Variants in SLC39A13 observed in about 807,000 individuals in gnomAD.
SLC39A13 encodes the protein zinc transporter ZIP13.
A neutral mutation model predicts 38.7 loss-of-function variants in SLC39A13; 18 were observed. The ratio of observed to expected loss-of-function variants is 0.47; its 90% CI spans 0.32 to 0.69. SLC39A13 has a LOEUF of 0.69. SLC39A13 is among the 30% of genes least tolerant of loss of function. The pLI is 0.03. For missense variants in SLC39A13, 395 were observed against 490.7 expected, an observed-to-expected ratio of 0.80 and a Z score of 1.84; for synonymous variants, 212 against 219.1, an observed-to-expected ratio of 0.97 and a Z score of 0.29.
At chr11:47,412,664 T>C (rs537246252) in intron 4 of SLC39A13, among the ~76,000 whole-genome samples, 197 bp downstream of exon 4, 5 of 119,410 alleles carry the variant, frequency 4.2e-5, no homozygotes, top group African/African-American at 1.4e-4. Context: ...GGTAGCCTGA[T>C]GGTGACAGCA....
At position 47,414,782 on chromosome 11, in the gene SLC39A13, C is replaced by T. The variant is rs141753455; in HGVS notation, c.792C>T (p.Gly264=). The T allele has an allele frequency of 4.8e-5, 77 of 1,608,666 alleles. No homozygotes were observed. In the African/African-American group the frequency reaches 8.5e-4, roughly 18 times the overall value. The change falls in exon 8 of 10, where the codon GGC becomes GGT. Residue 264 remains glycine, a synonymous_variant. Transcript: ENST00000362021. ...ACCTCTGGACCTCCCTTCAGGTGGGCGACTTTGCCATCCTGCTCCGGGCCG... is the reference window on the plus strand; with the variant it reads ...ACCTCTGGACCTCCCTTCAGGTGGGTGACTTTGCCATCCTGCTCCGGGCCG... ...ILLHEIPHEV[G]DFAILLRAGF...
In SLC39A13 at chr11:47,415,551, C is replaced by T. The variant is rs1401944438; in HGVS notation, c.*188C>T. ...GTGGCCAGAGGTGTGTGCGCGAGAC[C>T]GACACTGTGATCCCTGTGCTGGGTC... On this transcript the variant is annotated 3_prime_UTR_variant, in exon 10 of 10. Coordinates refer to ENST00000362021, the MANE Select transcript of SLC39A13 (RefSeq NM_001128225.3). 14 of 698,510 alleles carry T rather than the reference C, an allele frequency of 2.0e-5. No homozygotes were observed. The highest frequency in any genetic ancestry group is 4.1e-5 in the Admixed American group (2 of 48,572). The allele number at this position is 698,510 out of a possible 1,614,324, so 43.3% of individuals were successfully genotyped here. A position where few individuals can be genotyped will look rare whatever the true frequency, so the allele number is the denominator to read the frequency against.
chr11:47,412,751 T>A (rs1347637360), intron 4 of SLC39A13, among the ~76,000 whole-genome samples: 1 of 149,546 alleles, frequency 6.7e-6, no homozygotes, highest in East Asian at 2.0e-4. Context: ...AAAACAGGGG[T>A]TCCTATCTTT....
intron 1 of SLC39A13, chr11:47,409,775 C>T (rs2095988013): frequency 1.7e-5 from 6 of 344,718 alleles, no homozygotes; most frequent in East Asian, 6.6e-5. Context: ...TGGGCCGGGC[C>T]GTGCCGCCGG....
intron 6 of SLC39A13, chr11:47,413,955 ACCTCCT>A: frequency 2.9e-6 from 2 of 698,688 alleles, no homozygotes; most frequent in Non-Finnish European, 5.2e-6. Context: ...TTCTTCCTCT[ACCTCCT>A]CCCTCTGGCC....
rs1303123845 is a variant in SLC39A13 at position 47,410,176 on chromosome 11, G to A, written c.82G>A (p.Glu28Lys). The A allele has an allele frequency of 6.2e-7, 1 of 1,613,508 alleles. No homozygotes were observed. Among genetic ancestry groups the A allele is most frequent in the African/African-American group, 1.3e-5 (1 of 74,926 alleles). The change falls in exon 2 of 10, where the codon GAA becomes AAA. Residue 28 changes from glutamate to lysine, a missense_variant. By Grantham distance (56) the Glu-to-Lys change is moderately conservative. Transcript: ENST00000362021. ...FLTALALELL[E>K]RAGGSQPALR... ...CACTGCCCTTGCCCTGGAGCTCTTG[G>A]AAAGGGCTGGGGGTTCCCAGCCGGC...
intron 3 of SLC39A13, 124 bp downstream of exon 3, chr11:47,412,163 G>T: frequency 7.8e-7 from 1 of 1,285,694 alleles, no homozygotes; most frequent in Non-Finnish European, 1.1e-6. Flanking sequence ...TTGCCTGGGA[G>T]GGAGGGAGGG....
intron 3 of SLC39A13, 88 bp from the exon 4 acceptor site, chr11:47,412,258 C>T: frequency 6.6e-7 from 1 of 1,521,994 alleles, no homozygotes; most frequent in Non-Finnish European, 8.9e-7. Flanking sequence ...GCCCTGGTGC[C>T]CTGGATGAGA....
In SLC39A13 at chr11:47,410,343, C is replaced by T. The variant is rs1314433275; in HGVS notation, c.249C>T (p.Val83=). 8 of 1,614,012 alleles carry T rather than the reference C, an allele frequency of 5.0e-6. No individual in the cohort carries two copies. The highest frequency in any genetic ancestry group is 6.8e-6 in the Non-Finnish European group (8 of 1,180,002). The change falls in exon 2 of 10, where the codon GTC becomes GTT. Residue 83 remains valine, a synonymous_variant. Transcript: ENST00000362021. The part of the protein sequence containing the change: ...LGSLMVGLSG[V]FPLLVIPLEM... Reference sequence around the variant, plus strand: ...CCCTCATGGTGGGGCTCAGTGGGGTCTTCCCGTTGCTTGTCATTCCCCTAG... The same window carrying T: ...CCCTCATGGTGGGGCTCAGTGGGGTTTTCCCGTTGCTTGTCATTCCCCTAG...
Position 47,410,326 on chromosome 11 carries a change from G to T in SLC39A13, c.232G>T (p.Val78Leu). 1 of 1,614,162 alleles carries T rather than the reference G, an allele frequency of 6.2e-7. No homozygotes were observed. Among genetic ancestry groups the T allele is most frequent in the Non-Finnish European group, 8.5e-7 (1 of 1,180,008 alleles). ...WICSLLGSLMVGLSGVFPLLV... is the reference protein window; with the variant it reads ...WICSLLGSLMLGLSGVFPLLV... ...CTGCTCCCTCCTGGGTTCCCTCATG[G>T]TGGGGCTCAGTGGGGTCTTCCCGTT... is the stretch of plus-strand genomic sequence containing the variant. The change falls in exon 2 of 10, where the codon GTG becomes TTG. Residue 78 changes from valine (V) to leucine (L), a missense_variant. Val to Leu is a conservative substitution (Grantham distance 32, BLOSUM62 1). Coordinates refer to ENST00000362021, the MANE Select transcript of SLC39A13 (RefSeq NM_001128225.3).
rs148165667 is a variant in SLC39A13, at chr11:47,410,132, G to C, written c.38G>C (p.Gly13Ala). 6 of 1,613,186 alleles carry C rather than the reference G, an allele frequency of 3.7e-6. No individual in the cohort carries two copies. The highest frequency in any genetic ancestry group is 5.1e-6 in the Non-Finnish European group (6 of 1,179,994). ...GCPCPGCGMA[G>A]PRLLFLTALA... is the part of the protein sequence containing the mutation. ...CCCTGCCCTGGCTGTGGCATGGCGG[G>C]CCCAAGGCTCCTCTTCCTCACTGCC... The change falls in exon 2 of 10, where the codon GGC becomes GCC. Residue 13 changes from glycine to alanine, a missense_variant. By Grantham distance (60) the Gly-to-Ala change is moderately conservative. Coordinates refer to ENST00000362021, the MANE Select transcript of SLC39A13 (RefSeq NM_001128225.3).
upstream of SLC39A13, chr11:47,408,452 GAAGCGCCCTCCC>G (rs1565657353): frequency 6.6e-6 from 1 of 151,478 alleles, no homozygotes; most frequent in African/African-American, 2.4e-5. Context: ...CCGCGAGGCG[GAAGCGCCCTCCC>G]GCCGCCACTC....
Position 47,412,309 on chromosome 11 carries a change from TTGGCCTGGCC to T in SLC39A13, c.416-27_416-18del, listed in dbSNP as rs763461494. 6.3e-6 allele frequency: 10 copies of T among 1,598,224 alleles called. No homozygotes were observed. The Admixed American group carries it at 8.8e-5, about 14-fold the overall frequency. On this transcript the variant is annotated intron_variant, in intron 3 of 9. Transcript: ENST00000362021. The stretch of plus-strand genomic sequence containing the variant: ...CCCCCTCCTATGGCCCTGGCTTGGC[TTGGCCTGGCC>T]TGGCCTGGCATTGCCGCCCCCTGCA...
At position 47,416,350 on chromosome 11, in the gene SLC39A13, C is replaced by T. The variant is rs1044540711; in HGVS notation, c.*987C>T. On this transcript the variant is annotated 3_prime_UTR_variant, in exon 10 of 10. Coordinates refer to ENST00000362021, the MANE Select transcript of SLC39A13 (RefSeq NM_001128225.3). Reference sequence around the variant, plus strand: ...GTACTCAGCTGGCCCACTCCACAGCCAGGCCTGGCCCTGCCCTTCACCGTG... The same window carrying T: ...GTACTCAGCTGGCCCACTCCACAGCTAGGCCTGGCCCTGCCCTTCACCGTG... The T allele has an allele frequency of 6.5e-6, 1 of 152,696 alleles. No individual in the cohort carries two copies. Among genetic ancestry groups the T allele is most frequent in the African/African-American group, 2.4e-5 (1 of 41,468 alleles). 9.5% of individuals were successfully genotyped at this position (152,696 alleles called of 1,614,324 possible).
rs556292108 is a variant in SLC39A13 at position 47,415,592 on chromosome 11, C to T, written c.*229C>T. 27 of 639,268 alleles carry T rather than the reference C, an allele frequency of 4.2e-5. No homozygotes were observed. The African/African-American group carries it at 4.6e-4, about 11-fold the overall frequency. The allele number at this position is 639,268 out of a possible 1,614,324, so 39.6% of individuals were successfully genotyped here. A position where few individuals can be genotyped will look rare whatever the true frequency, so the allele number is the denominator to read the frequency against. The stretch of plus-strand genomic sequence containing the variant: ...GTGCTGGGTCCGGGGCCCAGTGTAG[C>T]GCCTGTCCCCAGCCATGCTGTGGTT... On this transcript the variant is annotated 3_prime_UTR_variant, in exon 10 of 10. Coordinates refer to ENST00000362021, the MANE Select transcript of SLC39A13 (RefSeq NM_001128225.3).
Position 47,414,872 on chromosome 11 carries a change from T to C in SLC39A13, c.882T>C (p.Ala294=), listed in dbSNP as rs2153301509. The C allele has an allele frequency of 6.2e-7, 1 of 1,612,620 alleles. No individual in the cohort carries two copies. Among genetic ancestry groups the C allele is most frequent in the Non-Finnish European group, 8.5e-7 (1 of 1,179,926 alleles). The change falls in exon 8 of 10, where the codon GCT becomes GCC. Residue 294 remains alanine (A), a synonymous_variant. Transcript: ENST00000362021. ...CAGCGCTGGGGGGCCTACTGGGCGCTGGCTTCGCCATCTGTACCCAGTCCC... is the reference window on the plus strand; with the variant it reads ...CAGCGCTGGGGGGCCTACTGGGCGCCGGCTTCGCCATCTGTACCCAGTCCC... ...LSTALGGLLG[A]GFAICTQSPK... is the part of the protein sequence containing the mutation.
chr11:47,412,910 C>T (rs544641641), intron 4 of SLC39A13, among the ~76,000 whole-genome samples: 20 of 149,074 alleles, frequency 1.3e-4, no homozygotes, highest in African/African-American at 2.7e-4. Flanking sequence ...CACAGGTGCG[C>T]GCCACCATGC....
upstream of SLC39A13, among the ~76,000 whole-genome samples, chr11:47,408,342 G>C (rs1322189595): frequency 1.3e-5 from 2 of 152,082 alleles, no homozygotes; most frequent in African/African-American, 4.8e-5. Flanking sequence ...CAGCCTGGCT[G>C]AGCGCGGTGC....
chr11:47,410,696 G>A (rs1017117849), intron 2 of SLC39A13, among the ~76,000 whole-genome samples: 4 of 152,110 alleles, frequency 2.6e-5, no homozygotes, highest in African/African-American at 9.7e-5. Flanking sequence ...TGTACTGCCC[G>A]TTCACAAATA....
Sources: gnomAD v4.1 joint callset for allele counts (sites outside exome capture counted in the v4.1 genomes callset) on GRCh38, gnomAD v4.1.1 for gene constraint, MANE v1.5 for transcripts, NCBI Gene and HGNC (gene_info 2026-07-23, HGNC 2026-07-21) for gene names.